SULT6B1: variants seen among roughly 807,000 people sequenced by gnomAD.
SULT6B1 encodes sulfotransferase 6B1.
A neutral mutation model predicts 37.2 loss-of-function variants in SULT6B1; 44 were observed. That is an observed-to-expected ratio of 1.18 (90% CI 0.93 to 1.52). SULT6B1 has a LOEUF of 1.52. Ranked by LOEUF, SULT6B1 falls within the 40% of genes most tolerant of loss-of-function variation. The pLI is 0.00. For missense variants in SULT6B1, 450 were observed against 361.0 expected (o/e 1.25, Z -2.00); for synonymous variants, 140 against 126.0 (o/e 1.11, Z -0.74).
intron 5 of SULT6B1, among the ~76,000 whole-genome samples, chr2:37,174,075 A>G (rs1676361699): frequency 1.3e-5 from 2 of 151,724 alleles, no homozygotes; most frequent in African/African-American, 4.8e-5. Context: ...CTGTCCCTTA[A>G]TCTCACCAGG....
intron 3 of SULT6B1, among the ~76,000 whole-genome samples, chr2:37,180,215 T>A (rs994361957): frequency 6.6e-5 from 10 of 152,172 alleles, no homozygotes; most frequent in African/African-American, 1.2e-4. Flanking sequence ...TTTCAAGAAC[T>A]GAGGAAACTG....
intron 4 of SULT6B1, among the ~76,000 whole-genome samples, chr2:37,177,374 TACACTCCA>T (rs1676452334): frequency 8.0e-6 from 1 of 124,632 alleles, no homozygotes; most frequent in Admixed American, 1.1e-4. Context: ...GCCTTGCCGC[TACACTCCA>T]GCCTAGGTGA....
upstream of SULT6B1, among the ~76,000 whole-genome samples, chr2:37,189,313 C>T (rs748440698): frequency 2.6e-5 from 4 of 152,290 alleles, no homozygotes; most frequent in South Asian, 4.1e-4. Flanking sequence ...TCAATTCTTG[C>T]CTCCTCAGAA....
At position 37,167,932 on chromosome 2, in the gene SULT6B1, G is replaced by C; in HGVS notation, c.*3C>G. The C allele has an allele frequency of 6.3e-7, 1 of 1,575,360 alleles. No homozygotes were observed. Among genetic ancestry groups the C allele is most frequent in the South Asian group, 1.2e-5 (1 of 82,674 alleles). ...AAATCTAGGCCTGCTGAATTGACTG[G>C]AATCAACCCTGGCAATATGATTCAT... On this transcript the variant is annotated 3_prime_UTR_variant, in exon 7 of 7. Transcript: ENST00000535679.
chr2:37,170,253 G>C (rs1260532849), intron 6 of SULT6B1, among the ~76,000 whole-genome samples: 1 of 150,376 alleles, frequency 6.6e-6, no homozygotes, highest in Non-Finnish European at 1.5e-5. Flanking sequence ...GATCACCTGA[G>C]GTCAGGAGTT....
Position 37,179,454 on chromosome 2 carries a change from A to C in SULT6B1, c.529+4T>G. 1.9e-6 allele frequency: 3 copies of C among 1,613,378 alleles called. No homozygotes were observed. Among genetic ancestry groups the C allele is most frequent in the Non-Finnish European group, 2.5e-6 (3 of 1,179,922 alleles). Reference sequence around the variant, plus strand: ...AAGAATAATTCTTTTACCAACAGCCATACCTTGTCCTTTCATGAACTGTCT... The same window carrying C: ...AAGAATAATTCTTTTACCAACAGCCCTACCTTGTCCTTTCATGAACTGTCT... On this transcript the variant is annotated splice_donor_region_variant and intron_variant, in intron 4 of 6. Coordinates refer to ENST00000535679, the MANE Select transcript of SULT6B1 (RefSeq NM_001367551.1).
intron 6 of SULT6B1, among the ~76,000 whole-genome samples, chr2:37,171,196 A>T (rs976490071): frequency 4.0e-5 from 6 of 151,736 alleles, no homozygotes; most frequent in East Asian, 3.9e-4. Flanking sequence ...GCTGAGATTG[A>T]GCCACTGCAC....
intron 3 of SULT6B1, 35 bp from the exon 4 acceptor site, chr2:37,179,619 C>A (rs1368923112): frequency 6.3e-7 from 1 of 1,595,362 alleles, no homozygotes; most frequent in Non-Finnish European, 8.5e-7. Context: ...TTATTTGGGT[C>A]TATGTTTTGA....
chr2:37,167,925 T>TC lies in SULT6B1; in HGVS notation c.*9_*10insG, dbSNP rs745675226. 9.6e-6 allele frequency: 15 copies of TC among 1,563,876 alleles called. No individual in the cohort carries two copies. The highest frequency in any genetic ancestry group is 1.3e-5 in the Non-Finnish European group (15 of 1,165,410). On this transcript the variant is annotated 3_prime_UTR_variant, in exon 7 of 7. Coordinates refer to ENST00000535679, the MANE Select transcript of SULT6B1 (RefSeq NM_001367551.1). ...GGAAAATAAATCTAGGCCTGCTGAA[T>TC]TGACTGGAATCAACCCTGGCAATAT...
chr2:37,186,259 G>A (rs1376821255), intron 2 of SULT6B1, among the ~76,000 whole-genome samples: 1 of 152,132 alleles, frequency 6.6e-6, no homozygotes, highest in African/African-American at 2.4e-5. Flanking sequence ...AAGTTTTACT[G>A]AGACTGTGGT....
chr2:37,185,444 T>C (rs11686193), intron 2 of SULT6B1, among the ~76,000 whole-genome samples: 45,432 of 151,926 alleles, frequency 0.3, 7,837 homozygotes, highest in East Asian at 0.79. Flanking sequence ...TGGCCAGGCG[T>C]GGTGGCTCAT....
chr2:37,194,550 T>G (rs542890133), intron 1 of SULT6B1: 4 of 394,236 alleles, frequency 1.0e-5, no homozygotes, highest in African/African-American at 2.1e-5. Context: ...CTGGTATCAA[T>G]GCACACATCT....
chr2:37,187,417 T>A lies in SULT6B1; in HGVS notation c.250A>T (p.Lys84Ter), dbSNP rs767937499. ...IVSELIYAVS[K>*]KKYKYPEFPV... ...AATTCTGGATATTTATACTTTTTTT[T>A]AGAAACAGCATATATTAATTCACTG... is the stretch of plus-strand genomic sequence containing the variant. The change falls in exon 2 of 7, where the codon AAA (lysine) becomes TAA (stop). Residue 84 changes from lysine (K) to a stop codon, truncating the protein, a stop_gained. Transcript: ENST00000535679. LOFTEE classifies it high-confidence loss of function. The A allele has an allele frequency of 1.2e-6, 2 of 1,608,912 alleles. No individual in the cohort carries two copies. The highest frequency in any genetic ancestry group is 1.3e-5 in the African/African-American group (1 of 74,970).
chr2:37,181,594 T>A (rs1676551425), intron 3 of SULT6B1, among the ~76,000 whole-genome samples: 1 of 149,294 alleles, frequency 6.7e-6, no homozygotes, highest in Non-Finnish European at 1.5e-5. Flanking sequence ...TTGCCAAGGC[T>A]GGTCTTGAAC....
At chr2:37,175,331 C>A (rs1310020030) in intron 4 of SULT6B1, 105 bp from the exon 5 acceptor site, 2 of 474,458 alleles carry the variant, frequency 4.2e-6, no homozygotes, top group South Asian at 7.8e-5. Flanking sequence ...TGTATATGCT[C>A]GAGATATCTT....
chr2:37,167,926 T>A lies in SULT6B1; in HGVS notation c.*9A>T, dbSNP rs747541544. The A allele has an allele frequency of 1.0e-5, 16 of 1,563,956 alleles. No homozygotes were observed. The highest frequency in any genetic ancestry group is 1.4e-5 in the Non-Finnish European group (16 of 1,165,424). On this transcript the variant is annotated 3_prime_UTR_variant, in exon 7 of 7. Transcript: ENST00000535679. ...GAAAATAAATCTAGGCCTGCTGAAT[T>A]GACTGGAATCAACCCTGGCAATATG... is the stretch of plus-strand genomic sequence containing the variant.
intron 4 of SULT6B1, 37 bp downstream of exon 4, chr2:37,179,421 G>T (rs1251122635): frequency 1.9e-6 from 3 of 1,610,140 alleles, no homozygotes; most frequent in Admixed American, 3.4e-5. Flanking sequence ...GTGGTCATCT[G>T]ATCAAGTAAG....
intron 1 of SULT6B1, among the ~76,000 whole-genome samples, chr2:37,188,122 T>A (rs1676711928): frequency 6.6e-6 from 1 of 152,226 alleles, no homozygotes; most frequent in Non-Finnish European, 1.5e-5. Flanking sequence ...TCACTGCTAC[T>A]GTCACTGTTC....
intron 3 of SULT6B1, among the ~76,000 whole-genome samples, chr2:37,182,531 G>A (rs751559741): frequency 2.6e-5 from 4 of 152,162 alleles, no homozygotes; most frequent in Non-Finnish European, 5.9e-5. Context: ...GTTTCACCAT[G>A]TTGGCCAGGC....
Sources: allele counts gnomAD v4.1 joint callset (sites outside exome capture counted in the v4.1 genomes callset), GRCh38; gene constraint gnomAD v4.1.1; transcripts MANE v1.5; gene names NCBI Gene and HGNC (gene_info 2026-07-23, HGNC 2026-07-21).